Variants in COPZ1 observed in about 807,000 individuals in gnomAD.
The protein encoded by COPZ1 is coatomer subunit zeta-1.
In COPZ1, 4 loss-of-function variants were observed where a neutral mutation model predicts 31.7. That is an observed-to-expected ratio of 0.13 (90% CI 0.06 to 0.29). The LOEUF is 0.29. Ranked by LOEUF, COPZ1 falls within the 10% of genes least tolerant of loss-of-function variation. COPZ1 has a pLI of 1.00. For synonymous variants in COPZ1, 74 were observed against 79.0 expected (o/e 0.94, Z 0.33); for missense variants, 156 against 211.5 (o/e 0.74, Z 1.63).
chr12:54,341,454 T>A (rs1289864512), intron 2 of COPZ1, among the ~76,000 whole-genome samples: 1 of 152,208 alleles, frequency 6.6e-6, no homozygotes, highest in African/African-American at 2.4e-5. Context: ...GTAGCATAAA[T>A]CAATCAGCAG....
intron 1 of COPZ1, among the ~76,000 whole-genome samples, chr12:54,332,639 C>G (rs1428913108): frequency 6.6e-6 from 1 of 151,142 alleles, no homozygotes; most frequent in Non-Finnish European, 1.5e-5. Context: ...GAGGCTGAGG[C>G]AGGAGAATCG....
At chr12:54,347,222 C>A (rs180687560) in intron 5 of COPZ1, among the ~76,000 whole-genome samples, 1 of 152,314 alleles carries the variant, frequency 6.6e-6, no homozygotes, top group Non-Finnish European at 1.5e-5. Flanking sequence ...AGGCCACATG[C>A]ACCAACCAAC....
At chr12:54,349,855 C>T in intron 8 of COPZ1, 197 bp downstream of exon 8, 2 of 658,462 alleles carry the variant, frequency 3.0e-6, no homozygotes, top group South Asian at 3.4e-5. Flanking sequence ...TTCTCAGTTA[C>T]CTGTGAGCAG....
At chr12:54,343,200 A>G in intron 3 of COPZ1, 25 bp from the exon 4 acceptor site, 3 of 1,582,112 alleles carry the variant, frequency 1.9e-6, no homozygotes, top group South Asian at 1.1e-5. Flanking sequence ...GCCACCCACT[A>G]TTTTTACTTT....
At position 54,346,293 on chromosome 12, in the gene COPZ1, A is replaced by C. The variant is rs993982959; in HGVS notation, c.317+778A>C. Among the ~76,000 whole-genome samples, 17 of 144,304 alleles carry C rather than the reference A, an allele frequency of 1.2e-4. No individual in the cohort carries two copies. In the East Asian group the frequency reaches 1.6e-3, roughly 14 times the overall value. 94.7% of individuals were successfully genotyped at this position (144,304 alleles called of 152,430 possible). The stretch of plus-strand genomic sequence containing the variant: ...TTCTTTTTTTTTTTTTTTGAGATGG[A>C]GTCTCACTCTGTCACCCAGGCTGGA... On this transcript the variant is annotated intron_variant, in intron 5 of 8. Coordinates refer to ENST00000262061, the MANE Select transcript of COPZ1 (RefSeq NM_016057.3).
In COPZ1 at chr12:54,347,862, C is replaced by T. The variant is rs747465517; in HGVS notation, c.395+18C>T. ...GATGGAGGGTAAGTTCTCTGACCTGCCTTGATCTTGGGTGAGGTGGCGGGA... is the reference window on the plus strand; with the variant it reads ...GATGGAGGGTAAGTTCTCTGACCTGTCTTGATCTTGGGTGAGGTGGCGGGA... On this transcript the variant is annotated intron_variant, in intron 6 of 8. Coordinates refer to ENST00000262061, the MANE Select transcript of COPZ1 (RefSeq NM_016057.3). The T allele has an allele frequency of 1.2e-6, 2 of 1,612,710 alleles. No individual in the cohort carries two copies. Among genetic ancestry groups the T allele is most frequent in the South Asian group, 1.1e-5 (1 of 91,026 alleles).
chr12:54,330,288 A>G lies in COPZ1; in HGVS notation c.18+5107A>G, dbSNP rs553285195. Among the ~76,000 whole-genome samples, 12 of 152,296 alleles carry G rather than the reference A, an allele frequency of 7.9e-5. 1 individual carries two copies. In the East Asian group the frequency reaches 1.9e-3, roughly 25 times the overall value. ...GAAGTTTAATTTATTGACACTTCAA[A>G]TTAAATGATCAGAATAAACTGTGCT... is the stretch of plus-strand genomic sequence containing the variant. On this transcript the variant is annotated intron_variant, in intron 1 of 8. Coordinates refer to ENST00000262061, the MANE Select transcript of COPZ1 (RefSeq NM_016057.3).
chr12:54,348,306 C>T (rs1393512726), intron 7 of COPZ1, among the ~76,000 whole-genome samples: 3 of 152,168 alleles, frequency 2.0e-5, no homozygotes, highest in Non-Finnish European at 4.4e-5. Flanking sequence ...ACATTTAATA[C>T]ATACTTATTT....
intron 2 of COPZ1, among the ~76,000 whole-genome samples, 171 bp from the exon 3 acceptor site, chr12:54,342,035 A>G (rs1358297346): frequency 1.3e-5 from 2 of 151,932 alleles, no homozygotes; most frequent in Non-Finnish European, 1.5e-5. Context: ...TTCTTGGATT[A>G]CTCACTGCCC....
intron 1 of COPZ1, among the ~76,000 whole-genome samples, chr12:54,338,102 A>G (rs1451844407): frequency 1.1e-4 from 16 of 152,188 alleles, no homozygotes; most frequent in Non-Finnish European, 2.1e-4. Flanking sequence ...TGGCTGCAAG[A>G]ACCAGTTTCC....
chr12:54,343,997 A>G (rs1444576213), intron 4 of COPZ1, among the ~76,000 whole-genome samples: 1 of 152,228 alleles, frequency 6.6e-6, no homozygotes. Flanking sequence ...GAAGAACTAT[A>G]TGAAATTACT....
chr12:54,326,605 T>G (rs1953648842), intron 1 of COPZ1, among the ~76,000 whole-genome samples: 1 of 149,428 alleles, frequency 6.7e-6, no homozygotes, highest in Non-Finnish European at 1.5e-5. Flanking sequence ...ACCAGAGAAT[T>G]TCTCTCAAAA....
chr12:54,331,424 A>C (rs111992273), intron 1 of COPZ1, among the ~76,000 whole-genome samples: 2,137 of 152,110 alleles, frequency 0.014, 48 homozygotes, highest in African/African-American at 0.044. Flanking sequence ...TGTGATCCAC[A>C]TGCCTTGGCC....
intron 7 of COPZ1, among the ~76,000 whole-genome samples, chr12:54,349,381 T>A (rs2137115089): frequency 6.6e-6 from 1 of 152,314 alleles, no homozygotes; most frequent in Non-Finnish European, 1.5e-5. Flanking sequence ...GAGTTAAATC[T>A]TTTAAGAAGT....
At chr12:54,340,460 C>G in intron 1 of COPZ1, 87 bp from the exon 2 acceptor site, 1 of 1,577,714 alleles carries the variant, frequency 6.3e-7, no homozygotes, top group Non-Finnish European at 8.6e-7. Flanking sequence ...TATCCCCTTG[C>G]AGCCCCAGTG....
chr12:54,326,961 C>CTTT lies in COPZ1; in HGVS notation c.18+1815_18+1817dup, dbSNP rs60827109. Among the ~76,000 whole-genome samples, 95 of 43,568 alleles carry CTTT rather than the reference C, an allele frequency of 2.2e-3. 41 individuals are homozygous for CTTT. The highest frequency in any genetic ancestry group is 5.4e-3 in the African/African-American group (54 of 10,016). The allele number at this position is 43,568 out of a possible 152,430, so 28.6% of individuals were successfully genotyped here. On this transcript the variant is annotated intron_variant, in intron 1 of 8. Coordinates refer to ENST00000262061, the MANE Select transcript of COPZ1 (RefSeq NM_016057.3). ...CTGTACCAAGCAGTTAACAAGTATT[C>CTTT]TTTTTTTTTTTTTTTTTTTTTTTTT...
chr12:54,350,433 C>G (rs376510800), intron 8 of COPZ1, 43 bp from the exon 9 acceptor site: 19 of 1,566,824 alleles, frequency 1.2e-5, no homozygotes, highest in Non-Finnish European at 1.7e-5. Flanking sequence ...CCTTACCCTG[C>G]CCTGTCAGCA....
chr12:54,345,837 G>A (rs982682362), intron 5 of COPZ1, among the ~76,000 whole-genome samples: 2 of 151,622 alleles, frequency 1.3e-5, no homozygotes, highest in African/African-American at 4.8e-5. Context: ...GGCGCCTGTA[G>A]TCCCAGGTGC....
At chr12:54,349,967 C>G (rs907312130) in intron 8 of COPZ1, 3 of 593,296 alleles carry the variant, frequency 5.1e-6, no homozygotes, top group African/African-American at 3.7e-5. Flanking sequence ...AGCAGATGGT[C>G]TGTGTGCATT....
Sources: allele counts gnomAD v4.1 joint callset (sites outside exome capture counted in the v4.1 genomes callset), GRCh38; gene constraint gnomAD v4.1.1; transcripts MANE v1.5; gene names NCBI Gene and HGNC (gene_info 2026-07-23, HGNC 2026-07-21).